Variants in GABRB1 observed in about 807,000 individuals in gnomAD.
GABRB1 encodes the protein gamma-aminobutyric acid receptor subunit beta-1.
Under a neutral mutation model 51.6 loss-of-function variants are expected in GABRB1, and 17 were observed. The observed-to-expected ratio is 0.33, with a 90% CI of 0.23 to 0.49. The LOEUF (loss-of-function observed/expected upper bound fraction) is 0.49. Among genes scored for constraint, GABRB1 ranks in the 20% least tolerant of loss-of-function variants. The pLI is 0.99. For synonymous variants in GABRB1, 247 were observed against 218.9 expected (o/e 1.13, Z -1.14); for missense variants, 410 against 600.6 (o/e 0.68, Z 3.32).
chr4:47,339,823 G>GCACA (rs150988131), intron 5 of GABRB1, among the ~76,000 whole-genome samples: 4,467 of 141,898 alleles, frequency 0.031, 178 homozygotes, highest in African/African-American at 0.096. Flanking sequence ...ATAAATAAAT[G>GCACA]CACACACACA....
At position 47,222,698 on chromosome 4, in the gene GABRB1, C is replaced by T. The variant is rs551013458; in HGVS notation, c.461+61229C>T. Among the ~76,000 whole-genome samples the T allele has an allele frequency of 1.5e-3, 221 of 152,262 alleles. 1 individual carries two copies. Among genetic ancestry groups the T allele is most frequent in the Non-Finnish European group, 2.3e-3 (159 of 67,998 alleles). ...TAGAAAACTACTGAGCTCAGAGCAT[C>T]CCAAATTGCTGAGCCACAGATTGTG... On this transcript the variant is annotated intron_variant, in intron 4 of 8. Coordinates refer to ENST00000295454, the MANE Select transcript of GABRB1 (RefSeq NM_000812.4).
chr4:47,275,260 C>G (rs1035692905), intron 4 of GABRB1, among the ~76,000 whole-genome samples: 1 of 152,112 alleles, frequency 6.6e-6, no homozygotes, highest in Non-Finnish European at 1.5e-5. Flanking sequence ...CTCATCCTAC[C>G]GCTAGGGCAA....
At chr4:47,287,291 AT>A (rs1213953990) in intron 4 of GABRB1, among the ~76,000 whole-genome samples, 2 of 152,210 alleles carry the variant, frequency 1.3e-5, no homozygotes, top group Admixed American at 6.5e-5. Flanking sequence ...TGATTCAAGT[AT>A]TTTAATTTTG....
At chr4:47,207,163 A>C (rs1318912511) in intron 4 of GABRB1, among the ~76,000 whole-genome samples, 2 of 151,972 alleles carry the variant, frequency 1.3e-5, no homozygotes, top group African/African-American at 4.8e-5. Flanking sequence ...GTAGTATCAC[A>C]GCACAATTTG....
chr4:47,425,812 C>G lies in GABRB1; in HGVS notation c.1219C>G (p.Pro407Ala). 1.2e-6 allele frequency: 2 copies of G among 1,614,144 alleles called. No homozygotes were observed. Among genetic ancestry groups the G allele is most frequent in the Non-Finnish European group, 1.7e-6 (2 of 1,180,014 alleles). Residue 407 changes from proline to alanine, a missense_variant, in exon 9 of 9, where the codon CCC becomes GCC. Physicochemically the swap from Pro to Ala is conservative, Grantham distance 27 (BLOSUM62 -1). This residue lies in a region of GABRB1 where 181 missense variants were observed against 195.6 expected (regional missense o/e 0.93). Transcript: ENST00000295454. ...YDSASIQYRK[P>A]LSSREAYGRA... ...CAGCGCCAGCATCCAGTACCGCAAG[C>G]CCCTGAGCAGCCGCGAGGCCTACGG...
At chr4:47,073,203 T>G (rs1196219810) in intron 3 of GABRB1, among the ~76,000 whole-genome samples, 1 of 152,198 alleles carries the variant, frequency 6.6e-6, no homozygotes, top group Non-Finnish European at 1.5e-5. Flanking sequence ...TCAATGACGT[T>G]GCTGGAAAGA....
intron 4 of GABRB1, among the ~76,000 whole-genome samples, chr4:47,177,989 A>T (rs1271915537): frequency 6.6e-6 from 1 of 152,048 alleles, no homozygotes; most frequent in Non-Finnish European, 1.5e-5. Flanking sequence ...TAGGATGTAT[A>T]TTATAACTCC....
At chr4:47,153,654 T>G (rs750403857) in intron 3 of GABRB1, among the ~76,000 whole-genome samples, 30 of 152,058 alleles carry the variant, frequency 2.0e-4, no homozygotes, top group Non-Finnish European at 4.0e-4. Context: ...GTGTCATATG[T>G]GCCCCATGTA....
At chr4:47,391,517 C>T (rs1217716759) in intron 5 of GABRB1, among the ~76,000 whole-genome samples, 1 of 152,198 alleles carries the variant, frequency 6.6e-6, no homozygotes, top group Non-Finnish European at 1.5e-5. Flanking sequence ...CTAACTGGTG[C>T]TTATATGTTT....
intron 4 of GABRB1, among the ~76,000 whole-genome samples, chr4:47,276,176 T>A (rs1029392283): frequency 1.3e-5 from 2 of 152,160 alleles, no homozygotes; most frequent in Admixed American, 1.3e-4. Context: ...AGTTGCTGTG[T>A]TCAAACTTTG....
At chr4:47,017,632 TCACA>T (rs151056923) in intron 1 of GABRB1, among the ~76,000 whole-genome samples, 1 of 150,434 alleles carries the variant, frequency 6.6e-6, no homozygotes, top group South Asian at 2.1e-4. Flanking sequence ...TTTTTCACAC[TCACA>T]CACACACACA....
At chr4:47,007,460 A>G (rs1471592228) in intron 1 of GABRB1, among the ~76,000 whole-genome samples, 1 of 152,228 alleles carries the variant, frequency 6.6e-6, no homozygotes, top group African/African-American at 2.4e-5. Flanking sequence ...CAAACAGGTG[A>G]AAAATGTAAT....
At chr4:47,161,014 A>G (rs1717927657) in intron 3 of GABRB1, among the ~76,000 whole-genome samples, 1 of 151,834 alleles carries the variant, frequency 6.6e-6, no homozygotes, top group Non-Finnish European at 1.5e-5. Context: ...GCTGGTCTTG[A>G]ACTCCTGGGC....
chr4:47,304,598 T>C (rs1277078835), intron 4 of GABRB1, among the ~76,000 whole-genome samples: 1 of 152,080 alleles, frequency 6.6e-6, no homozygotes, highest in Non-Finnish European at 1.5e-5. Flanking sequence ...TCTCTGTTGA[T>C]TGTTTTCTAA....
chr4:47,064,531 G>C (rs763563303), intron 3 of GABRB1, among the ~76,000 whole-genome samples: 1 of 151,564 alleles, frequency 6.6e-6, no homozygotes, highest in Non-Finnish European at 1.5e-5. Context: ...CCAGCTACTC[G>C]GGAGGCTGAG....
chr4:47,051,361 A>T (rs913551352), intron 3 of GABRB1, among the ~76,000 whole-genome samples: 1 of 152,180 alleles, frequency 6.6e-6, no homozygotes, highest in East Asian at 1.9e-4. Context: ...GAAAATAGAG[A>T]ACCAGAGAGA....
chr4:47,065,322 A>C (rs1023219960), intron 3 of GABRB1, among the ~76,000 whole-genome samples: 3 of 152,212 alleles, frequency 2.0e-5, no homozygotes, highest in Admixed American at 1.3e-4. Context: ...CCAAATGGGC[A>C]TTGTCTATTT....
At chr4:46,996,962 T>C (rs1413879197) in intron 1 of GABRB1, among the ~76,000 whole-genome samples, 1 of 152,178 alleles carries the variant, frequency 6.6e-6, no homozygotes, top group Non-Finnish European at 1.5e-5. Context: ...CTTGTAGATA[T>C]AGGCCCAGTT....
chr4:47,046,908 G>A (rs555920773), intron 3 of GABRB1, among the ~76,000 whole-genome samples: 1 of 152,152 alleles, frequency 6.6e-6, no homozygotes, highest in Admixed American at 6.6e-5. Context: ...ACCAAATACG[G>A]CATGTTTTCA....
Sources: gnomAD v4.1 joint callset for allele counts (sites outside exome capture counted in the v4.1 genomes callset) on GRCh38, gnomAD v4.1.1 for gene constraint, gnomAD v4.1.1 regional missense constraint, MANE v1.5 for transcripts, NCBI Gene and HGNC (gene_info 2026-07-23, HGNC 2026-07-21) for gene names.